The following CTCF variants were observed in gnomAD, a reference collection of about 807,000 sequenced individuals.
The protein encoded by CTCF is transcriptional repressor CTCF.
A neutral mutation model predicts 72.3 loss-of-function variants in CTCF; 7 were observed. That is an observed-to-expected ratio of 0.10 (90% CI 0.06 to 0.18). The LOEUF (loss-of-function observed/expected upper bound fraction) is 0.18, where lower values mean the gene tolerates loss of function less well. CTCF is among the 10% of genes least tolerant of loss of function. CTCF has a pLI of 1.00. For missense variants in CTCF, 516 were observed against 949.1 expected (o/e 0.54, Z 6.00); for synonymous variants, 374 against 315.8 (o/e 1.18, Z -1.95).
intron 2 of CTCF, among the ~76,000 whole-genome samples, chr16:67,582,927 T>C (rs938406481): frequency 6.6e-6 from 1 of 152,048 alleles, no homozygotes; most frequent in Non-Finnish European, 1.5e-5. Context: ...GTAAATACTC[T>C]ACACATTTTT....
chr16:67,603,781 C>T (rs537632860), intron 2 of CTCF, among the ~76,000 whole-genome samples: 166 of 145,972 alleles, frequency 1.1e-3, no homozygotes, highest in South Asian at 1.9e-3. Context: ...GCTGAGATCG[C>T]GCCACTGCAC....
chr16:67,587,051 G>A (rs757376230), intron 2 of CTCF, among the ~76,000 whole-genome samples: 1 of 151,204 alleles, frequency 6.6e-6, no homozygotes, highest in Non-Finnish European at 1.5e-5. Context: ...ACTGTGCCTG[G>A]CCTGCTACTT....
intron 2 of CTCF, among the ~76,000 whole-genome samples, chr16:67,578,471 T>G (rs1400567804): frequency 1.3e-5 from 2 of 151,680 alleles, no homozygotes; most frequent in Admixed American, 1.3e-4. Context: ...TAGCTGAGAT[T>G]ACACACATGT....
chr16:67,584,148 AT>A (rs2051628545), intron 2 of CTCF, among the ~76,000 whole-genome samples: 1 of 151,566 alleles, frequency 6.6e-6, no homozygotes, highest in Non-Finnish European at 1.5e-5. Flanking sequence ...AAGTGGGTGG[AT>A]CACCTGAGGT....
At chr16:67,587,420 G>A (rs1414703435) in intron 2 of CTCF, among the ~76,000 whole-genome samples, 1 of 151,880 alleles carries the variant, frequency 6.6e-6, no homozygotes, top group Non-Finnish European at 1.5e-5. Context: ...AGTTGTCTTG[G>A]TTTTACTAAG....
At position 67,563,106 on chromosome 16, in the gene CTCF, C is replaced by T. The variant is rs538271486; in HGVS notation, c.-127+382C>T. Among the ~76,000 whole-genome samples, 554 of 152,102 alleles carry T rather than the reference C, an allele frequency of 3.6e-3. 2 individuals carry two copies. Among genetic ancestry groups the T allele is most frequent in the Non-Finnish European group, 5.1e-3 (347 of 67,918 alleles). On this transcript the variant is annotated intron_variant, in intron 1 of 11. Coordinates refer to ENST00000264010, the MANE Select transcript of CTCF (RefSeq NM_006565.4). ...CGCCCTCTGTCCTGTGTCCTCCGCC[C>T]CTCCCGCGGCGGGTGGCCCCAGCTG...
chr16:67,616,993 A>T, intron 5 of CTCF, 115 bp downstream of exon 5: 1 of 1,017,432 alleles, frequency 9.8e-7, no homozygotes, highest in Non-Finnish European at 1.5e-6. Context: ...ATGTTAGTAA[A>T]TTATTAACAC....
At chr16:67,595,018 G>A (rs192331348) in intron 2 of CTCF, among the ~76,000 whole-genome samples, 2 of 152,310 alleles carry the variant, frequency 1.3e-5, no homozygotes, top group East Asian at 3.9e-4. Flanking sequence ...GGTTGGGTGG[G>A]TGGAAGGGAA....
rs761908555 is a variant in CTCF, at chr16:67,611,177, T to C, written c.345T>C (p.Leu115=). 6.2e-7 allele frequency: 1 copy of C among 1,614,190 alleles called. No individual in the cohort carries two copies. The change falls in exon 3 of 12, where the codon CTT becomes CTC. Residue 115 remains leucine, a synonymous_variant. Coordinates refer to ENST00000264010, the MANE Select transcript of CTCF (RefSeq NM_006565.4). The stretch of plus-strand genomic sequence containing the variant: ...CCATAAACATAGGAGAACTTCAGCT[T>C]GTTCAAGTACCTGTTCCTGTGACTG... The part of the protein sequence containing the change: ...EQPINIGELQ[L]VQVPVPVTVP...
chr16:67,637,993 C>A lies in CTCF; in HGVS notation c.*121C>A. On this transcript the variant is annotated 3_prime_UTR_variant, in exon 12 of 12. Transcript: ENST00000264010. ...AAAAGCATCATTTTACCAAACATAC[C>A]GAGAACGAAAACTTCAAGGATGATG... 1 of 897,386 alleles carries A rather than the reference C, an allele frequency of 1.1e-6. No individual in the cohort carries two copies. Among genetic ancestry groups the A allele is most frequent in the Non-Finnish European group, 1.6e-6 (1 of 613,168 alleles). The allele number at this position is 897,386 out of a possible 1,614,324, so 55.6% of individuals were successfully genotyped here. A position where few individuals can be genotyped will look rare whatever the true frequency, so the allele number is the denominator to read the frequency against.
chr16:67,603,445 A>G (rs991904345), intron 2 of CTCF, among the ~76,000 whole-genome samples: 1 of 151,688 alleles, frequency 6.6e-6, no homozygotes, highest in Non-Finnish European at 1.5e-5. Context: ...AGGTGGGAGA[A>G]TGGCATGAAC....
intron 2 of CTCF, among the ~76,000 whole-genome samples, chr16:67,588,938 G>A (rs1324419436): frequency 1.3e-5 from 2 of 151,932 alleles, no homozygotes; most frequent in African/African-American, 2.4e-5. Context: ...TGATCCACCC[G>A]CCTTGGCCTC....
chr16:67,575,307 C>A (rs1039805652), intron 2 of CTCF, among the ~76,000 whole-genome samples: 1 of 151,108 alleles, frequency 6.6e-6, no homozygotes, highest in Non-Finnish European at 1.5e-5. Flanking sequence ...CGTGGTGGCT[C>A]ATGCTTATAA....
At chr16:67,629,843 C>T (rs565365668) in intron 10 of CTCF, among the ~76,000 whole-genome samples, 4 of 131,476 alleles carry the variant, frequency 3.0e-5, no homozygotes, top group South Asian at 5.1e-4. Flanking sequence ...GGCGCGATCT[C>T]GGCTCACTGC....
rs139958668 is a variant in CTCF at position 67,599,265 on chromosome 16, C to T, written c.-9-11559C>T. ...CAAAAACTAGTTGGGCCTGGTGGCA[C>T]GCGCTGGTAGTCCCAGCTGCTCAGG... is the stretch of plus-strand genomic sequence containing the variant. On this transcript the variant is annotated intron_variant, in intron 2 of 11. Transcript: ENST00000264010. 1.7e-3 allele frequency among the ~76,000 whole-genome samples: 263 copies of T among 152,236 alleles called. 1 individual carries two copies. Among genetic ancestry groups the T allele is most frequent in the Non-Finnish European group, 1.3e-3 (87 of 68,034 alleles).
In CTCF at chr16:67,631,164, T is replaced by G. The variant is rs895674805; in HGVS notation, c.1837+1631T>G. The stretch of plus-strand genomic sequence containing the variant: ...TTTTGTTCTTTGTTTGTTTTTTTTT[T>G]GTTTTTTGTTTTTTTTTTGAGACAG... On this transcript the variant is annotated intron_variant, in intron 10 of 11. Coordinates refer to ENST00000264010, the MANE Select transcript of CTCF (RefSeq NM_006565.4). 3.6e-4 allele frequency among the ~76,000 whole-genome samples: 47 copies of G among 129,532 alleles called. 1 individual carries two copies. The highest frequency in any genetic ancestry group is 1.5e-3 in the Admixed American group (20 of 13,772). The allele number at this position is 129,532 out of a possible 152,430, so 85.0% of individuals were successfully genotyped here.
At chr16:67,586,408 G>A (rs533572309) in intron 2 of CTCF, among the ~76,000 whole-genome samples, 1 of 152,110 alleles carries the variant, frequency 6.6e-6, no homozygotes, top group East Asian at 1.9e-4. Context: ...ATGGTGGCAG[G>A]CGCCTGTAAT....
At chr16:67,576,542 AATAGAATGTTTT>A (rs1278578791) in intron 2 of CTCF, among the ~76,000 whole-genome samples, 4 of 150,998 alleles carry the variant, frequency 2.6e-5, no homozygotes, top group Non-Finnish European at 5.9e-5. Context: ...ACATCCCTAT[AATAGAATGTTTT>A]TTTTTTTTTT....
rs140574818 is a variant in CTCF, at chr16:67,606,382, T to A, written c.-9-4442T>A. The stretch of plus-strand genomic sequence containing the variant: ...CATTTTTCTATCACACCTGGTTATG[T>A]TATCTTTCTCCAAACCTATGTAATT... On this transcript the variant is annotated intron_variant, in intron 2 of 11. Coordinates refer to ENST00000264010, the MANE Select transcript of CTCF (RefSeq NM_006565.4). 4.4e-3 allele frequency among the ~76,000 whole-genome samples: 664 copies of A among 152,354 alleles called. 5 individuals carry two copies. Among genetic ancestry groups the A allele is most frequent in the Middle Eastern group, 0.027 (8 of 294 alleles).
Sources: allele counts gnomAD v4.1 joint callset (sites outside exome capture counted in the v4.1 genomes callset), GRCh38; gene constraint gnomAD v4.1.1; transcripts MANE v1.5; gene names NCBI Gene and HGNC (gene_info 2026-07-23, HGNC 2026-07-21).